Variants in CDIN1 observed in about 807,000 individuals in gnomAD.
CDIN1 encodes CDAN1 interacting nuclease 1, also known as CDAN1-interacting nuclease 1.
CDIN1 carries 33 observed loss-of-function variants against 45.3 expected under a neutral mutation model. The observed-to-expected ratio is 0.73, with a 90% CI of 0.55 to 0.97. CDIN1 has a LOEUF of 0.97. Among genes scored for constraint, CDIN1 ranks in the 50% least tolerant of loss-of-function variants. The pLI is 0.00. For synonymous variants in CDIN1, 118 were observed against 124.4 expected, an observed-to-expected ratio of 0.95 and a Z score of 0.34; for missense variants, 303 against 339.4, an observed-to-expected ratio of 0.89 and a Z score of 0.84.
At chr15:36,629,907 C>T (rs1378555270) in intron 1 of CDIN1, among the ~76,000 whole-genome samples, 1 of 152,074 alleles carries the variant, frequency 6.6e-6, no homozygotes, top group Admixed American at 6.6e-5. Context: ...TGTATATGTG[C>T]ATACATATAT....
intron 10 of CDIN1, among the ~76,000 whole-genome samples, chr15:36,790,540 A>G (rs2054617535): frequency 6.6e-6 from 1 of 152,214 alleles, no homozygotes. Flanking sequence ...AATTGTTCCC[A>G]ACACATAGAA....
chr15:36,612,126 G>A lies in CDIN1; in HGVS notation c.102-32152G>A, dbSNP rs76998858. Among the ~76,000 whole-genome samples, 1,170 of 152,284 alleles carry A rather than the reference G, an allele frequency of 7.7e-3. 16 individuals carry two copies. The highest frequency in any genetic ancestry group is 0.027 in the African/African-American group (1,105 of 41,552). On this transcript the variant is annotated intron_variant, in intron 1 of 10. Coordinates refer to ENST00000566621, the MANE Select transcript of CDIN1 (RefSeq NM_001321759.2). Reference sequence around the variant, plus strand: ...GAACATGACTTCCAAGAACAGAGGCGTCCTTGTATCTTTCATGGCCATGGG... The same window carrying A: ...GAACATGACTTCCAAGAACAGAGGCATCCTTGTATCTTTCATGGCCATGGG...
chr15:36,751,229 T>TTTATATATATATATATATATATA (rs568110101), intron 10 of CDIN1, among the ~76,000 whole-genome samples: 1 of 97,612 alleles, frequency 1.0e-5, no homozygotes, highest in African/African-American at 4.3e-5. Flanking sequence ...TATGCTTATT[T>TTTATATATATATATATATATATA]TATATATATA....
chr15:36,704,996 T>C (rs1358007337), intron 8 of CDIN1: 1 of 152,204 alleles, frequency 6.6e-6, no homozygotes, highest in African/African-American at 2.4e-5. Context: ...CTCTTTATTT[T>C]AAGAAAAGAA....
chr15:36,669,710 T>G (rs1220020317), intron 5 of CDIN1, among the ~76,000 whole-genome samples: 4 of 152,124 alleles, frequency 2.6e-5, no homozygotes, highest in African/African-American at 9.7e-5. Context: ...CAATCTTTTC[T>G]TGTTTTTGAT....
intron 10 of CDIN1, among the ~76,000 whole-genome samples, chr15:36,771,667 C>T (rs890288291): frequency 1.2e-4 from 19 of 152,190 alleles, no homozygotes; most frequent in Admixed American, 9.8e-4. Flanking sequence ...CAGTGGCTCC[C>T]GCCTGTAATC....
At chr15:36,626,704 A>T in intron 1 of CDIN1, 1 of 430,066 alleles carries the variant, frequency 2.3e-6, no homozygotes, top group Non-Finnish European at 4.7e-6. Flanking sequence ...AGGAGGTGCT[A>T]TTCTGGTTCA....
intron 10 of CDIN1, among the ~76,000 whole-genome samples, chr15:36,716,223 G>A (rs1232442371): frequency 6.6e-6 from 1 of 152,090 alleles, no homozygotes; most frequent in Non-Finnish European, 1.5e-5. Flanking sequence ...AAATCCAGGG[G>A]ACCAGACAAT....
intron 7 of CDIN1, 106 bp from the exon 8 acceptor site, chr15:36,697,217 A>T: frequency 2.4e-6 from 2 of 831,752 alleles, no homozygotes; most frequent in Admixed American, 4.3e-5. Context: ...TTCCTCCAAG[A>T]TGTGGACTAA....
intron 5 of CDIN1, among the ~76,000 whole-genome samples, chr15:36,683,558 T>C (rs12909516): frequency 1.2e-3 from 33 of 26,890 alleles, no homozygotes; most frequent in African/African-American, 4.5e-3. Flanking sequence ...CTTGGCGATG[T>C]GGGCTCTTTT....
chr15:36,735,246 C>T (rs527353020), intron 10 of CDIN1, among the ~76,000 whole-genome samples: 8 of 152,080 alleles, frequency 5.3e-5, no homozygotes, highest in African/African-American at 1.2e-4. Context: ...TGATGAATTA[C>T]GTCAGTTTAT....
intron 5 of CDIN1, among the ~76,000 whole-genome samples, chr15:36,675,194 A>G (rs2041603124): frequency 6.6e-6 from 1 of 151,962 alleles, no homozygotes; most frequent in Non-Finnish European, 1.5e-5. Context: ...GACTATTAAC[A>G]TTTTTTTCTG....
intron 10 of CDIN1, among the ~76,000 whole-genome samples, chr15:36,757,011 C>A (rs576970732): frequency 6.6e-6 from 1 of 152,126 alleles, no homozygotes; most frequent in African/African-American, 2.4e-5. Context: ...AGTGAAAAGG[C>A]TTCAGTTTGT....
intron 10 of CDIN1, among the ~76,000 whole-genome samples, chr15:36,759,379 A>C (rs1001144669): frequency 9.9e-5 from 15 of 152,168 alleles, no homozygotes; most frequent in African/African-American, 3.6e-4. Flanking sequence ...TTGCAGGTCC[A>C]TATCTGGGAT....
rs936352719 is a variant in CDIN1 at position 36,732,983 on chromosome 15, C to T, written c.716+23022C>T. Among the ~76,000 whole-genome samples, 11 of 152,066 alleles carry T rather than the reference C, an allele frequency of 7.2e-5. No individual in the cohort carries two copies. In the South Asian group the frequency reaches 1.2e-3, roughly 17 times the overall value. On this transcript the variant is annotated intron_variant, in intron 10 of 10. Coordinates refer to ENST00000566621, the MANE Select transcript of CDIN1 (RefSeq NM_001321759.2). ...AAGAAAATGGGTAAGAAATTCTGAA[C>T]ATTTATTCAAAATATGACAGAAACT...
At chr15:36,761,181 C>T (rs2053752084) in intron 10 of CDIN1, among the ~76,000 whole-genome samples, 1 of 152,188 alleles carries the variant, frequency 6.6e-6, no homozygotes, top group African/African-American at 2.4e-5. Flanking sequence ...GACCCTCAAG[C>T]TCTGGAACAG....
chr15:36,714,798 T>C (rs534515418), intron 10 of CDIN1, among the ~76,000 whole-genome samples: 79 of 152,260 alleles, frequency 5.2e-4, no homozygotes, highest in African/African-American at 1.7e-3. Context: ...TGCCCTCTTA[T>C]CAGGTGAATG....
At chr15:36,727,191 A>C (rs1159156958) in intron 10 of CDIN1, among the ~76,000 whole-genome samples, 2 of 152,172 alleles carry the variant, frequency 1.3e-5, no homozygotes, top group Non-Finnish European at 2.9e-5. Flanking sequence ...TCTTCTAATT[A>C]GTTAATTTAC....
intron 5 of CDIN1, among the ~76,000 whole-genome samples, chr15:36,659,738 A>T (rs1392025823): frequency 2.6e-5 from 4 of 151,574 alleles, no homozygotes; most frequent in Admixed American, 2.0e-4. Context: ...CAGTAGGCTG[A>T]CTGCCAGTCA....
Sources: allele counts gnomAD v4.1 joint callset (sites outside exome capture counted in the v4.1 genomes callset), GRCh38; gene constraint gnomAD v4.1.1; transcripts MANE v1.5; gene names NCBI Gene and HGNC (gene_info 2026-07-23, HGNC 2026-07-21).